The following XRRA1 variants were observed in gnomAD, a reference collection of about 807,000 sequenced individuals.
The protein encoded by XRRA1 is X-ray radiation resistance-associated protein 1.
A neutral mutation model predicts 80.2 loss-of-function variants in XRRA1; 69 were observed. That is an observed-to-expected ratio of 0.86 (90% CI 0.71 to 1.05). The LOEUF is 1.05. XRRA1 is among the 50% of genes least tolerant of loss of function. The pLI is 0.00. For missense variants in XRRA1, 967 were observed against 976.4 expected (o/e 0.99, Z 0.13); for synonymous variants, 348 against 389.9 (o/e 0.89, Z 1.27).
In XRRA1 at chr11:74,863,036, A is replaced by G; in HGVS notation, c.1004-15T>C. On this transcript the variant is annotated splice_polypyrimidine_tract_variant and intron_variant, in intron 10 of 18. Transcript: ENST00000684022. ...AAACACAACCTCTGAAACAGAAGAG[A>G]AACAGAATGAAGGTTGGTGAGACCG... 1.3e-6 allele frequency: 2 copies of G among 1,597,876 alleles called. No homozygotes were observed. The highest frequency in any genetic ancestry group is 1.7e-6 in the Non-Finnish European group (2 of 1,171,842).
chr11:74,910,060 G>A (rs188245605), intron 8 of XRRA1: 1 of 152,300 alleles, frequency 6.6e-6, no homozygotes, highest in African/African-American at 2.4e-5. Context: ...TAAGACTTTC[G>A]ATTAGGCTAA....
intron 10 of XRRA1, among the ~76,000 whole-genome samples, chr11:74,889,670 A>G (rs2050105840): frequency 6.6e-6 from 1 of 152,224 alleles, no homozygotes; most frequent in African/African-American, 2.4e-5. Flanking sequence ...TCTCATGTGC[A>G]GAGACACACA....
rs768599411 is a variant in XRRA1 at position 74,848,326 on chromosome 11, C to T, written c.1517G>A (p.Ser506Asn). The T allele has an allele frequency of 1.4e-5, 22 of 1,613,764 alleles. No homozygotes were observed. Among genetic ancestry groups the T allele is most frequent in the Non-Finnish European group, 1.9e-5 (22 of 1,179,844 alleles). ...GGGCATCTCTGACTCCACAGAAGTG[C>T]TTTTGGTAGTGGGCAGATCTTCAGC... ...ELAEDLPTTK[S>N]TSVESEMPTE... is the part of the protein sequence containing the mutation. Residue 506 changes from serine (S) to asparagine (N), a missense_variant, in exon 15 of 19, where the codon AGC becomes AAC. Transcript: ENST00000684022.
At position 74,881,138 on chromosome 11, in the gene XRRA1, T is replaced by G. The variant is rs1273027977; in HGVS notation, c.1004-18117A>C. On this transcript the variant is annotated intron_variant, in intron 10 of 18. Coordinates refer to ENST00000684022, the MANE Select transcript of XRRA1 (RefSeq NM_001378157.1). ...CACTCAGGACTTGCTTTATGAATCT[T>G]GGTGCTCCTGTATTGGGTGCATATA... 1.3e-4 allele frequency among the ~76,000 whole-genome samples: 20 copies of G among 148,660 alleles called. No individual in the cohort carries two copies. The East Asian group carries it at 2.0e-3, about 15-fold the overall frequency.
chr11:74,949,068 A>C lies in XRRA1; in HGVS notation c.-213T>G. 1 of 461,486 alleles carries C rather than the reference A, an allele frequency of 2.2e-6. No individual in the cohort carries two copies. Among genetic ancestry groups the C allele is most frequent in the Non-Finnish European group, 3.9e-6 (1 of 257,574 alleles). The allele number at this position is 461,486 out of a possible 1,614,324, so 28.6% of individuals were successfully genotyped here. The stretch of plus-strand genomic sequence containing the variant: ...GCCGCTATCTTCCCCACGCCTTAGT[A>C]ACTGCGACGCGACGGCAGACAGTGT... On this transcript the variant is annotated 5_prime_UTR_variant, in exon 1 of 19. Transcript: ENST00000684022.
intron 10 of XRRA1, among the ~76,000 whole-genome samples, chr11:74,887,181 T>C (rs931277634): frequency 1.3e-5 from 2 of 152,172 alleles, no homozygotes; most frequent in African/African-American, 2.4e-5. Flanking sequence ...ATGACAAAGA[T>C]GCCTAAAGCA....
chr11:74,902,056 A>G (rs2053658853), intron 10 of XRRA1, among the ~76,000 whole-genome samples: 1 of 152,236 alleles, frequency 6.6e-6, no homozygotes, highest in Non-Finnish European at 1.5e-5. Flanking sequence ...AAGGAGCTCA[A>G]ACAACTCCAC....
chr11:74,915,049 C>T (rs113189077), intron 8 of XRRA1, among the ~76,000 whole-genome samples: 78 of 152,250 alleles, frequency 5.1e-4, no homozygotes, highest in African/African-American at 1.9e-3. Flanking sequence ...ATGCTGATAC[C>T]TTCTCAAAGT....
rs117242750 is a variant in XRRA1 at position 74,855,212 on chromosome 11, C to T, written c.1171-3130G>A. Among the ~76,000 whole-genome samples the T allele has an allele frequency of 6.6e-5, 10 of 152,122 alleles. No individual in the cohort carries two copies. In the East Asian group the frequency reaches 1.9e-3, roughly 29 times the overall value. ...TAGAGGATGAACCTAAAAAGGTGCC[C>T]AATATGTTTTGATAAATGACTATAA... On this transcript the variant is annotated intron_variant, in intron 12 of 18. Coordinates refer to ENST00000684022, the MANE Select transcript of XRRA1 (RefSeq NM_001378157.1).
chr11:74,884,272 T>C (rs1211139574), intron 10 of XRRA1, among the ~76,000 whole-genome samples: 2 of 152,166 alleles, frequency 1.3e-5, no homozygotes, highest in East Asian at 1.9e-4. Context: ...GCTGTGTCAA[T>C]AGAAAAGGGC....
chr11:74,874,987 C>A (rs958018291), intron 10 of XRRA1, among the ~76,000 whole-genome samples: 21 of 152,190 alleles, frequency 1.4e-4, no homozygotes, highest in African/African-American at 5.1e-4. Context: ...ATAGCTCTTA[C>A]AAGAACACTT....
chr11:74,922,713 C>T (rs1218086529), intron 7 of XRRA1, among the ~76,000 whole-genome samples: 1 of 152,196 alleles, frequency 6.6e-6, no homozygotes, highest in African/African-American at 2.4e-5. Flanking sequence ...TGGGTTTGGT[C>T]TGACTCTGCT....
At chr11:74,893,718 T>A (rs1429125572) in intron 10 of XRRA1, among the ~76,000 whole-genome samples, 2 of 152,076 alleles carry the variant, frequency 1.3e-5, no homozygotes, top group Non-Finnish European at 2.9e-5. Context: ...CAGTCAGAAT[T>A]ACTATTATGA....
chr11:74,922,458 T>C (rs1041140824), intron 7 of XRRA1, among the ~76,000 whole-genome samples: 3 of 152,098 alleles, frequency 2.0e-5, no homozygotes, highest in African/African-American at 4.8e-5. Context: ...AAATGACATC[T>C]GTCCAATATT....
At chr11:74,896,324 A>G (rs1352339436) in intron 10 of XRRA1, among the ~76,000 whole-genome samples, 1 of 152,206 alleles carries the variant, frequency 6.6e-6, no homozygotes, top group African/African-American at 2.4e-5. Flanking sequence ...CAGGCCTGGT[A>G]GCATTTACCA....
intron 10 of XRRA1, among the ~76,000 whole-genome samples, chr11:74,875,666 C>T (rs1003311787): frequency 9.2e-5 from 14 of 152,050 alleles, no homozygotes; most frequent in East Asian, 5.8e-4. Flanking sequence ...ATCAGGAGTT[C>T]GAGACCAGCC....
chr11:74,915,599 C>T (rs1029455625), intron 8 of XRRA1, among the ~76,000 whole-genome samples: 1 of 152,186 alleles, frequency 6.6e-6, no homozygotes, highest in African/African-American at 2.4e-5. Context: ...ATCAAGTTGA[C>T]TTTAAAAAGC....
At chr11:74,854,679 GGCCCAAATCTGGCCC>G (rs2040654453) in intron 12 of XRRA1, among the ~76,000 whole-genome samples, 1 of 151,936 alleles carries the variant, frequency 6.6e-6, no homozygotes, top group Non-Finnish European at 1.5e-5. Flanking sequence ...TTGGGCCCAT[GGCCCAAATCTGGCCC>G]ATGATCCATT....
At chr11:74,868,493 A>T (rs1345567944) in intron 10 of XRRA1, among the ~76,000 whole-genome samples, 1 of 152,196 alleles carries the variant, frequency 6.6e-6, no homozygotes, top group Non-Finnish European at 1.5e-5. Context: ...TAATGAACAA[A>T]TCCTCACATA....
Sources: gnomAD v4.1 joint callset for allele counts (sites outside exome capture counted in the v4.1 genomes callset) on GRCh38, gnomAD v4.1.1 for gene constraint, MANE v1.5 for transcripts, NCBI Gene and HGNC (gene_info 2026-07-23, HGNC 2026-07-21) for gene names.